Variants in CSMD1 observed in about 807,000 individuals in gnomAD.
CSMD1 encodes CUB and Sushi multiple domains 1.
CSMD1 carries 213 observed loss-of-function variants against 417.5 expected under a neutral mutation model. The ratio of observed to expected loss-of-function variants is 0.51; its 90% CI spans 0.46 to 0.57. CSMD1 has a LOEUF of 0.57. Among genes scored for constraint, CSMD1 ranks in the 20% least tolerant of loss-of-function variants. The pLI is 0.00. For synonymous variants in CSMD1, 2,862 were observed against 1,736.8 expected (o/e 1.65, Z -16.11); for missense variants, 6,923 against 4,529.7 (o/e 1.53, Z -15.17).
chr8:2,965,691 T>C lies in CSMD1; in HGVS notation c.9280+84A>G, dbSNP rs1803893233. On this transcript the variant is annotated intron_variant, in intron 59 of 69. Coordinates refer to ENST00000635120, the MANE Select transcript of CSMD1 (RefSeq NM_033225.6). ...ATTCCTAGCCCCTAGAAGGGCTACA[T>C]AAATGCTTGCAAAATTAAACAAAGC... 2.3e-6 allele frequency: 3 copies of C among 1,291,686 alleles called. No homozygotes were observed. The South Asian group carries it at 4.3e-5, about 18-fold the overall frequency. The allele number at this position is 1,291,686 out of a possible 1,614,324, so 80.0% of individuals were successfully genotyped here.
At chr8:4,275,832 T>C (rs931525949) in intron 3 of CSMD1, among the ~76,000 whole-genome samples, 21 of 152,248 alleles carry the variant, frequency 1.4e-4, no homozygotes, top group African/African-American at 2.7e-4. Flanking sequence ...GAAAGTGATA[T>C]TGTTATATTT....
chr8:4,350,495 G>T (rs539549745), intron 3 of CSMD1, among the ~76,000 whole-genome samples: 3 of 152,298 alleles, frequency 2.0e-5, no homozygotes, highest in African/African-American at 7.2e-5. Flanking sequence ...ATAAAGGTAA[G>T]ATCACCGCAG....
At chr8:4,104,608 A>C (rs968278836) in intron 3 of CSMD1, among the ~76,000 whole-genome samples, 1 of 152,186 alleles carries the variant, frequency 6.6e-6, no homozygotes, top group Non-Finnish European at 1.5e-5. Context: ...AACGGTCTGA[A>C]TTAGAGTGTC....
chr8:3,376,526 G>A lies in CSMD1; in HGVS notation c.2783-7156C>T, dbSNP rs557569156. On this transcript the variant is annotated intron_variant, in intron 18 of 69. Coordinates refer to ENST00000635120, the MANE Select transcript of CSMD1 (RefSeq NM_033225.6). Reference sequence around the variant, plus strand: ...TTTATCATGTTACCTCCCATTCTCCGTGAAAAATGTGCAGTTGAACTACTT... The same window carrying A: ...TTTATCATGTTACCTCCCATTCTCCATGAAAAATGTGCAGTTGAACTACTT... 7.9e-5 allele frequency among the ~76,000 whole-genome samples: 12 copies of A among 151,804 alleles called. 1 individual carries two copies. The highest frequency in any genetic ancestry group is 6.8e-3 in the Middle Eastern group (2 of 292).
At chr8:4,780,702 T>C (rs955336147) in intron 1 of CSMD1, among the ~76,000 whole-genome samples, 2 of 152,178 alleles carry the variant, frequency 1.3e-5, no homozygotes, top group Non-Finnish European at 2.9e-5. Flanking sequence ...GTATGTTGTC[T>C]TTTATTTCTG....
At chr8:4,372,076 G>A (rs995203220) in intron 3 of CSMD1, among the ~76,000 whole-genome samples, 5 of 152,228 alleles carry the variant, frequency 3.3e-5, no homozygotes, top group African/African-American at 1.2e-4. Context: ...GGTGGCTGAG[G>A]TGGAAGAAAA....
At chr8:3,503,392 A>G (rs1796688479) in intron 10 of CSMD1, among the ~76,000 whole-genome samples, 1 of 152,252 alleles carries the variant, frequency 6.6e-6, no homozygotes, top group Admixed American at 6.5e-5. Context: ...CAAAAAGTCA[A>G]AGCTGCTAGT....
At chr8:2,995,376 T>C (rs943336889) in intron 54 of CSMD1, among the ~76,000 whole-genome samples, 3 of 152,076 alleles carry the variant, frequency 2.0e-5, no homozygotes, top group African/African-American at 4.8e-5. Flanking sequence ...AAAGCTAAAA[T>C]AAGACAGAGT....
At chr8:3,276,108 G>A (rs1408207430) in intron 26 of CSMD1, among the ~76,000 whole-genome samples, 1 of 152,112 alleles carries the variant, frequency 6.6e-6, no homozygotes, top group Non-Finnish European at 1.5e-5. Flanking sequence ...TGGGTTTTTG[G>A]TGTGGATGTC....
chr8:3,714,668 C>A (rs534010483), intron 6 of CSMD1, among the ~76,000 whole-genome samples: 7 of 151,240 alleles, frequency 4.6e-5, no homozygotes, highest in Admixed American at 4.0e-4. Context: ...ACCCCGGAGG[C>A]AGAGTTTGCA....
rs78083292 is a variant in CSMD1, at chr8:4,932,632, T to C, written c.85+61700A>G. ...CCAACAGGGTAGCAAGTTGACGTGT[T>C]TCTATGCACTTTCAGGACAAATTGG... On this transcript the variant is annotated intron_variant, in intron 1 of 69. Transcript: ENST00000635120. 6.8e-3 allele frequency among the ~76,000 whole-genome samples: 1,031 copies of C among 152,298 alleles called. 8 individuals are homozygous for C. The highest frequency in any genetic ancestry group is 0.024 in the African/African-American group (985 of 41,568).
intron 3 of CSMD1, among the ~76,000 whole-genome samples, chr8:4,187,152 G>GA (rs5889023): frequency 0.98 from 149,640 of 152,278 alleles, 73,580 homozygotes; most frequent in Middle Eastern, 1. Context: ...TTGATTTACT[G>GA]CTTGTAGTAT....
chr8:4,356,549 A>T (rs1475719147), intron 3 of CSMD1, among the ~76,000 whole-genome samples: 2 of 152,130 alleles, frequency 1.3e-5, no homozygotes, highest in Non-Finnish European at 2.9e-5. Flanking sequence ...TATTTTAAAT[A>T]TGTTTCATTT....
At chr8:4,972,416 C>A (rs1236961092) in intron 1 of CSMD1, among the ~76,000 whole-genome samples, 2 of 152,180 alleles carry the variant, frequency 1.3e-5, no homozygotes, top group Non-Finnish European at 2.9e-5. Flanking sequence ...AGTGAATTCT[C>A]ATGAGATTTA....
At chr8:3,656,444 G>C (rs1407054840) in intron 7 of CSMD1, among the ~76,000 whole-genome samples, 1 of 152,132 alleles carries the variant, frequency 6.6e-6, no homozygotes, top group African/African-American at 2.4e-5. Context: ...CTTTGTGAGA[G>C]TGAAAAGATG....
chr8:3,098,187 T>C (rs1815464532), intron 46 of CSMD1, among the ~76,000 whole-genome samples: 1 of 152,208 alleles, frequency 6.6e-6, no homozygotes, highest in Non-Finnish European at 1.5e-5. Flanking sequence ...AAATTACTTG[T>C]AGAGTGTTAA....
intron 7 of CSMD1, among the ~76,000 whole-genome samples, chr8:3,657,089 G>C (rs1003808875): frequency 1.3e-5 from 2 of 152,110 alleles, no homozygotes; most frequent in Non-Finnish European, 2.9e-5. Flanking sequence ...CCACTACCGA[G>C]TTGCTGCACT....
intron 1 of CSMD1, among the ~76,000 whole-genome samples, chr8:4,701,939 T>G (rs1330764990): frequency 6.6e-6 from 1 of 152,160 alleles, no homozygotes; most frequent in Non-Finnish European, 1.5e-5. Flanking sequence ...TAAAAAGGAA[T>G]GAGATCATGT....
At chr8:2,966,767 C>G in intron 57 of CSMD1, 21 bp from the exon 58 acceptor site, 1 of 1,609,226 alleles carries the variant, frequency 6.2e-7, no homozygotes, top group Non-Finnish European at 8.5e-7. Flanking sequence ...AACAAGAACA[C>G]CACCACACAC....
Sources: gnomAD v4.1 joint callset for allele counts (sites outside exome capture counted in the v4.1 genomes callset) on GRCh38, gnomAD v4.1.1 for gene constraint, MANE v1.5 for transcripts, NCBI Gene and HGNC (gene_info 2026-07-23, HGNC 2026-07-21) for gene names.